The following TEC variants were observed in gnomAD, a reference collection of about 807,000 sequenced individuals.
The protein encoded by TEC is tec protein tyrosine kinase.
A neutral mutation model predicts 93.0 loss-of-function variants in TEC; 72 were observed. That is an observed-to-expected ratio of 0.77 (90% CI 0.64 to 0.94). TEC has a LOEUF of 0.94. Ranked by LOEUF, TEC falls within the 40% of genes least tolerant of loss-of-function variation. The pLI, the probability that TEC is intolerant of heterozygous loss-of-function variation, is 0.00. For missense variants in TEC, 630 were observed against 757.9 expected, an observed-to-expected ratio of 0.83 and a Z score of 1.98; for synonymous variants, 249 against 247.7, an observed-to-expected ratio of 1.01 and a Z score of -0.05.
intron 8 of TEC, among the ~76,000 whole-genome samples, chr4:48,160,057 G>A (rs1720564004): frequency 6.6e-6 from 1 of 152,136 alleles, no homozygotes; most frequent in South Asian, 2.1e-4. Flanking sequence ...GCTGCTCTAA[G>A]CACGTTACAT....
chr4:48,260,720 TACA>T (rs1255012305), intron 1 of TEC, among the ~76,000 whole-genome samples: 7 of 152,200 alleles, frequency 4.6e-5, no homozygotes, highest in Non-Finnish European at 1.0e-4. Context: ...ATGGACTAAT[TACA>T]ACGTCATAAA....
intron 1 of TEC, among the ~76,000 whole-genome samples, chr4:48,263,789 T>A (rs901338811): frequency 2.6e-5 from 4 of 152,130 alleles, no homozygotes; most frequent in African/African-American, 9.7e-5. Flanking sequence ...AAGATATAGG[T>A]TTTGCCCCCT....
rs140621313 is a variant in TEC, at chr4:48,265,497, G to GTGTATA, written c.-46+4254_-46+4255insTATACA. On this transcript the variant is annotated intron_variant, in intron 1 of 17. Coordinates refer to ENST00000381501, the MANE Select transcript of TEC (RefSeq NM_003215.3). ...TATATACGTGTGTGTATATATGTGT[G>GTGTATA]TATATATATATATATATATTTTTTT... Among the ~76,000 whole-genome samples, 151 of 118,602 alleles carry GTGTATA rather than the reference G, an allele frequency of 1.3e-3. 1 individual carries two copies. Among genetic ancestry groups the GTGTATA allele is most frequent in the African/African-American group, 2.6e-3 (81 of 31,538 alleles). 77.8% of individuals were successfully genotyped at this position (118,602 alleles called of 152,430 possible).
chr4:48,162,245 T>C (rs1158689112), intron 8 of TEC, among the ~76,000 whole-genome samples: 1 of 152,232 alleles, frequency 6.6e-6, no homozygotes, highest in Admixed American at 6.5e-5. Flanking sequence ...CCCTGGCCTC[T>C]GAACAGAATG....
At chr4:48,186,133 G>T (rs773176129) in intron 2 of TEC, among the ~76,000 whole-genome samples, 1 of 152,254 alleles carries the variant, frequency 6.6e-6, no homozygotes. Context: ...TGCCGGGATT[G>T]CAGACGGAGT....
At chr4:48,242,726 C>A (rs780741332) in intron 1 of TEC, among the ~76,000 whole-genome samples, 24 of 152,314 alleles carry the variant, frequency 1.6e-4, no homozygotes, top group Non-Finnish European at 1.8e-4. Context: ...CTCAGAGATA[C>A]TATCTCCAAT....
chr4:48,151,629 G>A (rs1420804547), intron 9 of TEC, among the ~76,000 whole-genome samples: 1 of 152,172 alleles, frequency 6.6e-6, no homozygotes, highest in African/African-American at 2.4e-5. Context: ...TGGAATTACA[G>A]GTGTGCAACA....
At chr4:48,164,203 T>C (rs958901649) in intron 7 of TEC, among the ~76,000 whole-genome samples, 1 of 152,206 alleles carries the variant, frequency 6.6e-6, no homozygotes, top group African/African-American at 2.4e-5. Context: ...AGTCAAAGTG[T>C]TGGATTAAAA....
At chr4:48,190,610 G>C (rs2352592) in intron 2 of TEC, among the ~76,000 whole-genome samples, 99,850 of 152,058 alleles carry the variant, frequency 0.66, 32,816 homozygotes, top group Admixed American at 0.75. Flanking sequence ...TTTAAAATTT[G>C]AGGCAAGAAA....
In TEC at chr4:48,186,569, C is replaced by T. The variant is rs543679370; in HGVS notation, c.139-10383G>A. Among the ~76,000 whole-genome samples the T allele has an allele frequency of 3.0e-3, 441 of 148,644 alleles. 5 individuals carry two copies. Among genetic ancestry groups the T allele is most frequent in the African/African-American group, 0.01 (412 of 39,976 alleles). Reference sequence around the variant, plus strand: ...GCCACCCTGTCTGGGAGGTGAGGAGCGTCTCCGCCCGGCCGCCCCGTCTGA... The same window carrying T: ...GCCACCCTGTCTGGGAGGTGAGGAGTGTCTCCGCCCGGCCGCCCCGTCTGA... On this transcript the variant is annotated intron_variant, in intron 2 of 17. Transcript: ENST00000381501.
chr4:48,253,329 A>G (rs1347469360), intron 1 of TEC, among the ~76,000 whole-genome samples: 2 of 152,046 alleles, frequency 1.3e-5, no homozygotes, highest in Non-Finnish European at 2.9e-5. Context: ...CTCTGTCCTG[A>G]AAATCCTTCC....
At chr4:48,180,370 T>C (rs1304898949) in intron 2 of TEC, among the ~76,000 whole-genome samples, 2 of 152,126 alleles carry the variant, frequency 1.3e-5, no homozygotes, top group Non-Finnish European at 2.9e-5. Context: ...TGCTGGAGTT[T>C]CAAAGTTATG....
Position 48,136,330 on chromosome 4 carries a change from CG to C in TEC, c.*1085del, listed in dbSNP as rs1719417576. On this transcript the variant is annotated 3_prime_UTR_variant, in exon 18 of 18. Coordinates refer to ENST00000381501, the MANE Select transcript of TEC (RefSeq NM_003215.3). ...CCTCCTGAAAAACGTCCGGGAGGCA[CG>C]GAACACCATGCTGGCTGCTTCTCTC... The C allele has an allele frequency of 6.6e-6, 1 of 152,210 alleles. No individual in the cohort carries two copies. The highest frequency in any genetic ancestry group is 2.4e-5 in the African/African-American group (1 of 41,436). The allele number at this position is 152,210 out of a possible 1,614,324, so 9.4% of individuals were successfully genotyped here.
At chr4:48,181,404 G>A (rs917299027) in intron 2 of TEC, among the ~76,000 whole-genome samples, 7 of 152,094 alleles carry the variant, frequency 4.6e-5, no homozygotes, top group Middle Eastern at 3.2e-3. Flanking sequence ...GCTGGGCACC[G>A]TGGTTCACTC....
chr4:48,182,363 C>T (rs1721626338), intron 2 of TEC, among the ~76,000 whole-genome samples: 1 of 151,616 alleles, frequency 6.6e-6, no homozygotes, highest in Non-Finnish European at 1.5e-5. Flanking sequence ...CCTTTCTATT[C>T]TATAGCCTTT....
chr4:48,191,159 C>T (rs1244752558), intron 2 of TEC, among the ~76,000 whole-genome samples: 1 of 152,158 alleles, frequency 6.6e-6, no homozygotes, highest in Admixed American at 6.5e-5. Context: ...ATTAGATTAA[C>T]ATAACCTATC....
chr4:48,258,807 T>C (rs1724413432), intron 1 of TEC, among the ~76,000 whole-genome samples: 1 of 152,238 alleles, frequency 6.6e-6, no homozygotes, highest in Non-Finnish European at 1.5e-5. Context: ...CTTTAAGAAC[T>C]CTAGCGAATT....
At chr4:48,141,475 G>A (rs531160893) in intron 14 of TEC, 56 bp from the exon 15 acceptor site, 5 of 1,502,334 alleles carry the variant, frequency 3.3e-6, no homozygotes, top group Admixed American at 3.4e-5. Flanking sequence ...ATTTAAGTAG[G>A]AAAATGTAAG....
intron 1 of TEC, among the ~76,000 whole-genome samples, chr4:48,241,616 C>A (rs1030526444): frequency 6.6e-6 from 1 of 152,200 alleles, no homozygotes; most frequent in East Asian, 1.9e-4. Flanking sequence ...AGAGCCTTGA[C>A]ATCCCCACTG....
Sources: gnomAD v4.1 joint callset for allele counts (sites outside exome capture counted in the v4.1 genomes callset) on GRCh38, gnomAD v4.1.1 for gene constraint, MANE v1.5 for transcripts, NCBI Gene and HGNC (gene_info 2026-07-23, HGNC 2026-07-21) for gene names.